The following SLC24A2 variants were observed in gnomAD, a reference collection of about 807,000 sequenced individuals.
The protein encoded by SLC24A2 is solute carrier family 24 member 2.
SLC24A2 carries 36 observed loss-of-function variants against 62.0 expected under a neutral mutation model. The ratio of observed to expected loss-of-function variants is 0.58; its 90% CI spans 0.44 to 0.77. The LOEUF (loss-of-function observed/expected upper bound fraction) is 0.77, where lower values mean the gene tolerates loss of function less well. SLC24A2 is among the 30% of genes least tolerant of loss of function. The probability of loss-of-function intolerance (pLI) is 0.00; values close to 1 mark genes in which losing one functional copy is unlikely to be tolerated. For synonymous variants in SLC24A2, 358 were observed against 294.0 expected (o/e 1.22, Z -2.23); for missense variants, 846 against 817.9 (o/e 1.03, Z -0.42).
At chr9:20,270,205 G>T in the SLC24A2 span, among the ~76,000 whole-genome samples, 1 of 152,196 alleles carries the variant, frequency 6.6e-6, no homozygotes, top group Non-Finnish European at 1.5e-5. Context: ...GACCCAAACA[G>T]CTTCCACCAG....
rs558267970 is a variant in SLC24A2 at position 19,558,564 on chromosome 9, A to G, written c.1348-8296T>C. Among the ~76,000 whole-genome samples, 16 of 152,300 alleles carry G rather than the reference A, an allele frequency of 1.1e-4. No individual in the cohort carries two copies. In the South Asian group the frequency reaches 3.1e-3, roughly 30 times the overall value. ...TGGTCTGGCTACTTCTAAAATGGATATCTGGGGGACACTGTAGAAGATGGA... is the reference window on the plus strand; with the variant it reads ...TGGTCTGGCTACTTCTAAAATGGATGTCTGGGGGACACTGTAGAAGATGGA... On this transcript the variant is annotated intron_variant, in intron 7 of 10. Coordinates refer to ENST00000341998, the MANE Select transcript of SLC24A2 (RefSeq NM_020344.4).
chr9:20,013,620 G>C, the SLC24A2 span, among the ~76,000 whole-genome samples: 10 of 152,132 alleles, frequency 6.6e-5, no homozygotes, highest in Non-Finnish European at 8.8e-5. Flanking sequence ...AAAATGAACA[G>C]ACAACTCACA....
intron 2 of SLC24A2, among the ~76,000 whole-genome samples, chr9:19,725,733 G>A (rs1821151062): frequency 6.6e-6 from 1 of 152,166 alleles, no homozygotes; most frequent in South Asian, 2.1e-4. Flanking sequence ...AGAATTTGGT[G>A]AGAATAGTTT....
chr9:20,280,979 G>A, the SLC24A2 span, among the ~76,000 whole-genome samples: 1 of 152,150 alleles, frequency 6.6e-6, no homozygotes, highest in Non-Finnish European at 1.5e-5. Flanking sequence ...ACCCAGGCTG[G>A]AATGCAGTGG....
At chr9:20,254,665 C>G in the SLC24A2 span, among the ~76,000 whole-genome samples, 1 of 152,066 alleles carries the variant, frequency 6.6e-6, no homozygotes, top group African/African-American at 2.4e-5. Flanking sequence ...CTTAGTGGCC[C>G]ATGAAAAAGG....
the SLC24A2 span, among the ~76,000 whole-genome samples, chr9:19,872,680 A>G: frequency 6.6e-6 from 1 of 152,150 alleles, no homozygotes; most frequent in South Asian, 2.1e-4. Context: ...GGCCTAGTAC[A>G]AGTAGTATAA....
the SLC24A2 span, among the ~76,000 whole-genome samples, chr9:19,810,418 G>C: frequency 2.0e-5 from 3 of 152,186 alleles, no homozygotes; most frequent in African/African-American, 7.2e-5. Context: ...GTGTAAATAG[G>C]AAATAACACA....
chr9:19,643,536 G>A (rs1177413036), intron 2 of SLC24A2, among the ~76,000 whole-genome samples: 1 of 152,186 alleles, frequency 6.6e-6, no homozygotes, highest in Admixed American at 6.5e-5. Flanking sequence ...CAGCAAGTGA[G>A]CCTAATCCAG....
intron 2 of SLC24A2, among the ~76,000 whole-genome samples, chr9:19,652,041 TA>T (rs1343466216): frequency 1.3e-5 from 2 of 152,218 alleles, no homozygotes; most frequent in Admixed American, 1.3e-4. Flanking sequence ...CTTTGTTCCA[TA>T]AAATTATACT....
the SLC24A2 span, among the ~76,000 whole-genome samples, chr9:20,136,777 T>C: frequency 0.043 from 6,558 of 152,202 alleles, 456 homozygotes; most frequent in African/African-American, 0.15. Context: ...AACACTTATT[T>C]TCTCAGCTGT....
the SLC24A2 span, among the ~76,000 whole-genome samples, chr9:20,056,297 A>G: frequency 6.6e-6 from 1 of 152,216 alleles, no homozygotes; most frequent in East Asian, 1.9e-4. Flanking sequence ...AAGAAAATCT[A>G]TAAATGACTA....
upstream of SLC24A2, among the ~76,000 whole-genome samples, chr9:19,792,897 T>A (rs376149659): frequency 1.6e-4 from 24 of 152,228 alleles, no homozygotes; most frequent in African/African-American, 5.8e-4. Context: ...AGCACACTTA[T>A]GAAGTATTCA....
At chr9:19,996,137 A>G in the SLC24A2 span, among the ~76,000 whole-genome samples, 1 of 152,200 alleles carries the variant, frequency 6.6e-6, no homozygotes. Flanking sequence ...GATAGGGTAA[A>G]GTTGGGAAAG....
the SLC24A2 span, among the ~76,000 whole-genome samples, chr9:19,908,411 G>T: frequency 6.6e-6 from 1 of 152,048 alleles, no homozygotes. Flanking sequence ...ATACCATTCA[G>T]GACATAGGCA....
At chr9:19,998,332 G>C in the SLC24A2 span, among the ~76,000 whole-genome samples, 1 of 152,036 alleles carries the variant, frequency 6.6e-6, no homozygotes, top group Non-Finnish European at 1.5e-5. Flanking sequence ...ACCCTGTTTT[G>C]AGCTCAACTT....
At chr9:19,800,359 T>G in the SLC24A2 span, among the ~76,000 whole-genome samples, 1 of 152,204 alleles carries the variant, frequency 6.6e-6, no homozygotes, top group African/African-American at 2.4e-5. Context: ...ATCTTCACTT[T>G]TTGTTGTTGC....
At chr9:20,074,201 T>G in the SLC24A2 span, among the ~76,000 whole-genome samples, 1 of 152,008 alleles carries the variant, frequency 6.6e-6, no homozygotes, top group Non-Finnish European at 1.5e-5. Context: ...ACGCCATTAA[T>G]GCCAATAATT....
the SLC24A2 span, among the ~76,000 whole-genome samples, chr9:20,216,025 T>C: frequency 3.3e-5 from 5 of 152,222 alleles, no homozygotes; most frequent in Non-Finnish European, 7.3e-5. Context: ...TTCTGTTACT[T>C]ACAGCAGGGG....
At chr9:19,864,456 T>C in the SLC24A2 span, among the ~76,000 whole-genome samples, 1 of 151,836 alleles carries the variant, frequency 6.6e-6, no homozygotes, top group African/African-American at 2.4e-5. Flanking sequence ...CAATAGAATA[T>C]TAGAAAAACA....
Sources: gnomAD v4.1 joint callset for allele counts (sites outside exome capture counted in the v4.1 genomes callset) on GRCh38, gnomAD v4.1.1 for gene constraint, MANE v1.5 for transcripts, NCBI Gene and HGNC (gene_info 2026-07-23, HGNC 2026-07-21) for gene names.